KALRN: variants seen among roughly 807,000 people sequenced by gnomAD.
The protein encoded by KALRN is kalirin RhoGEF kinase.
KALRN carries 70 observed loss-of-function variants against 353.7 expected under a neutral mutation model. The ratio of observed to expected loss-of-function variants is 0.20; its 90% CI spans 0.16 to 0.24. KALRN has a LOEUF of 0.24. Among genes scored for constraint, KALRN ranks in the 10% least tolerant of loss-of-function variants. The probability of loss-of-function intolerance (pLI) is 1.00; values close to 1 mark genes in which losing one functional copy is unlikely to be tolerated. For synonymous variants in KALRN, 1,391 were observed against 1,434.8 expected, an observed-to-expected ratio of 0.97 and a Z score of 0.69; for missense variants, 2,791 against 3,756.7, an observed-to-expected ratio of 0.74 and a Z score of 6.72.
chr3:124,547,938 C>T (rs2109466723), intron 33 of KALRN, among the ~76,000 whole-genome samples: 1 of 152,268 alleles, frequency 6.6e-6, no homozygotes, highest in African/African-American at 2.4e-5. Context: ...CTCACAGGGG[C>T]AATTTCCAGG....
chr3:124,518,379 G>C (rs757718131), intron 33 of KALRN: 8 of 1,606,192 alleles, frequency 5.0e-6, no homozygotes. Flanking sequence ...AAATCACAGA[G>C]CCCGGCCCTT....
chr3:124,560,477 A>G, intron 33 of KALRN, among the ~76,000 whole-genome samples: 1 of 152,240 alleles, frequency 6.6e-6, no homozygotes, highest in Non-Finnish European at 1.5e-5. Context: ...TGGGATGTCA[A>G]CAGCAATAGA....
rs575379696 is a variant in KALRN at position 124,676,557 on chromosome 3, C to T, written c.7194-1633C>T. Reference sequence around the variant, plus strand: ...CAAGCCTGCCCTGCCATTTATACTACTCTCAGTCTTCCTTCTGAACATGAA... The same window carrying T: ...CAAGCCTGCCCTGCCATTTATACTATTCTCAGTCTTCCTTCTGAACATGAA... On this transcript the variant is annotated intron_variant, in intron 49 of 59. Transcript: ENST00000682506. Among the ~76,000 whole-genome samples, 13 of 152,324 alleles carry T rather than the reference C, an allele frequency of 8.5e-5. 1 individual carries two copies. The South Asian group carries it at 2.7e-3, about 32-fold the overall frequency.
rs1244289798 is a variant in KALRN at position 124,033,379 on chromosome 3, G to A, written c.-362G>A. 2.6e-5 allele frequency among the ~76,000 whole-genome samples: 4 copies of A among 151,898 alleles called. No homozygotes were observed. The highest frequency in any genetic ancestry group is 2.4e-5 in the African/African-American group (1 of 41,386). On this transcript the variant is annotated 5_prime_UTR_variant, in exon 1 of 60. Coordinates refer to ENST00000682506, the MANE Select transcript of KALRN (RefSeq NM_001388419.1). The surrounding 1 kb of genome is among the most constrained non-coding windows in gnomAD (Gnocchi z 6.2). Reference sequence around the variant, plus strand: ...GGAGCAGGGCTGAACAATAGAGACAGGCAGACGGGCGAGCAGGAGAGCCAG... The same window carrying A: ...GGAGCAGGGCTGAACAATAGAGACAAGCAGACGGGCGAGCAGGAGAGCCAG...
At chr3:124,044,569 G>A (rs1393979196) in intron 1 of KALRN, among the ~76,000 whole-genome samples, 3 of 143,220 alleles carry the variant, frequency 2.1e-5, no homozygotes, top group African/African-American at 5.3e-5. Context: ...AGCCAAGGTC[G>A]CACCACCACA....
At chr3:124,416,741 G>A (rs544093877) in intron 14 of KALRN, among the ~76,000 whole-genome samples, 2 of 152,234 alleles carry the variant, frequency 1.3e-5, no homozygotes, top group Non-Finnish European at 2.9e-5. Flanking sequence ...GCTGAGGAAT[G>A]TAAGACTTCA....
At chr3:124,147,797 A>G (rs2067552183) in intron 1 of KALRN, among the ~76,000 whole-genome samples, 2 of 152,196 alleles carry the variant, frequency 1.3e-5, no homozygotes, top group Non-Finnish European at 2.9e-5. Context: ...ATATCCAGAA[A>G]TTCTAAGGGA....
chr3:124,536,649 G>C (rs1256390704), intron 33 of KALRN, among the ~76,000 whole-genome samples: 2 of 152,156 alleles, frequency 1.3e-5, no homozygotes, highest in East Asian at 1.9e-4. Context: ...TATAGCAAAG[G>C]TATCCTTGAG....
At chr3:124,539,777 T>G (rs1344311424) in intron 33 of KALRN, among the ~76,000 whole-genome samples, 2 of 152,214 alleles carry the variant, frequency 1.3e-5, no homozygotes, top group Admixed American at 1.3e-4. Flanking sequence ...GTGTTTTTTT[T>G]TGAGATAGGT....
chr3:124,102,568 G>A (rs1559955892), intron 1 of KALRN, among the ~76,000 whole-genome samples: 3 of 152,192 alleles, frequency 2.0e-5, no homozygotes, highest in Admixed American at 6.5e-5. Flanking sequence ...CCTTGAAGGA[G>A]CTAATATGTG....
chr3:124,643,412 C>G (rs959564088), intron 37 of KALRN, among the ~76,000 whole-genome samples: 2 of 152,160 alleles, frequency 1.3e-5, no homozygotes, highest in East Asian at 3.8e-4. Flanking sequence ...CCCTACACCC[C>G]CCAACAGTTT....
intron 14 of KALRN, among the ~76,000 whole-genome samples, chr3:124,421,316 A>G (rs577615579): frequency 6.6e-6 from 1 of 152,356 alleles, no homozygotes; most frequent in East Asian, 1.9e-4. Context: ...GACAGTTAGA[A>G]ACCAAGAGGA....
intron 39 of KALRN, 137 bp from the exon 40 acceptor site, chr3:124,657,311 T>C (rs2084184881): frequency 1.6e-6 from 1 of 637,128 alleles, no homozygotes; most frequent in East Asian, 2.8e-5. Context: ...CCTGGTTGAA[T>C]AGTGAGAAAC....
chr3:124,219,271 G>T (rs1210183983), intron 1 of KALRN, among the ~76,000 whole-genome samples: 1 of 152,238 alleles, frequency 6.6e-6, no homozygotes, highest in Non-Finnish European at 1.5e-5. Flanking sequence ...TGGCAGAACA[G>T]GGAGGTACAT....
At chr3:124,357,295 C>G (rs1189596661) in intron 10 of KALRN, among the ~76,000 whole-genome samples, 1 of 152,192 alleles carries the variant, frequency 6.6e-6, no homozygotes, top group Non-Finnish European at 1.5e-5. Context: ...TTCCCTGACT[C>G]CAGTCATTGT....
At chr3:124,542,641 A>G (rs2069156163) in intron 33 of KALRN, among the ~76,000 whole-genome samples, 1 of 152,140 alleles carries the variant, frequency 6.6e-6, no homozygotes, top group Admixed American at 6.5e-5. Flanking sequence ...CATTATTCCT[A>G]GAGTGCTTTG....
At chr3:124,158,359 C>G (rs2069340494) in intron 1 of KALRN, among the ~76,000 whole-genome samples, 1 of 152,166 alleles carries the variant, frequency 6.6e-6, no homozygotes, top group Non-Finnish European at 1.5e-5. Flanking sequence ...ATCTGATGGC[C>G]TCTGGTATAA....
At chr3:124,400,135 A>T (rs1231655266) in intron 13 of KALRN, among the ~76,000 whole-genome samples, 1 of 150,554 alleles carries the variant, frequency 6.6e-6, no homozygotes, top group African/African-American at 2.4e-5. Context: ...TTTAGAAGGA[A>T]TTTTTTTTTT....
chr3:124,206,348 A>G (rs1447532738), intron 1 of KALRN, among the ~76,000 whole-genome samples: 1 of 152,194 alleles, frequency 6.6e-6, no homozygotes, highest in African/African-American at 2.4e-5. Context: ...TGATTTTATG[A>G]GCCAGTCCTG....
Sources: allele counts gnomAD v4.1 joint callset (sites outside exome capture counted in the v4.1 genomes callset), GRCh38; gene constraint gnomAD v4.1.1; non-coding constraint Gnocchi (gnomAD v3.1); transcripts MANE v1.5; gene names NCBI Gene and HGNC (gene_info 2026-07-23, HGNC 2026-07-21).